The following SNX31 variants were observed in gnomAD, a reference collection of about 807,000 sequenced individuals.
The protein encoded by SNX31 is sorting nexin 31.
SNX31 carries 58 observed loss-of-function variants against 65.4 expected under a neutral mutation model. The observed-to-expected ratio is 0.89, with a 90% confidence interval of 0.72 to 1.10. The LOEUF is 1.10. Ranked by LOEUF, SNX31 falls within the 50% of genes least tolerant of loss-of-function variation. The probability of loss-of-function intolerance (pLI) is 0.00; values close to 1 mark genes in which losing one functional copy is unlikely to be tolerated. For missense variants in SNX31, 523 were observed against 529.7 expected (o/e 0.99, Z 0.12); for synonymous variants, 181 against 190.1 (o/e 0.95, Z 0.39).
rs556130269 is a variant in SNX31 at position 100,613,972 on chromosome 8, C to T, written c.433-887G>A. 7.2e-5 allele frequency among the ~76,000 whole-genome samples: 11 copies of T among 152,268 alleles called. No individual in the cohort carries two copies. The highest frequency in any genetic ancestry group is 3.9e-4 in the East Asian group (2 of 5,188). ...CTGCCCTCCAGAGCTGCTTTACCCACGACTCCCAGTTCTCTAGGTGGCAGT... is the reference window on the plus strand; with the variant it reads ...CTGCCCTCCAGAGCTGCTTTACCCATGACTCCCAGTTCTCTAGGTGGCAGT... On this transcript the variant is annotated intron_variant, in intron 5 of 13. Coordinates refer to ENST00000311812, the MANE Select transcript of SNX31 (RefSeq NM_152628.4). This position sits in a 1 kb window ranked among gnomAD's most constrained non-coding sequence, Gnocchi z 5.2.
At chr8:100,577,495 A>G (rs1053407934) in intron 12 of SNX31, among the ~76,000 whole-genome samples, 2 of 152,344 alleles carry the variant, frequency 1.3e-5, no homozygotes, top group Middle Eastern at 3.4e-3. Context: ...AGTTCAAGGC[A>G]CTTGAATATA....
rs141519967 is a variant in SNX31 at position 100,661,484 on chromosome 8, C to T, written c.-58+1658G>A. ...TGAGTGTTGGCTCTGATTCAGGTAG[C>T]GAACACCTGAGGCCCTGTGTTAAAA... On this transcript the variant is annotated intron_variant, in intron 1 of 5. Transcript: ENST00000520352. Among the ~76,000 whole-genome samples, 13 of 152,140 alleles carry T rather than the reference C, an allele frequency of 8.5e-5. No homozygotes were observed. The East Asian group carries it at 2.5e-3, about 29-fold the overall frequency.
At chr8:100,628,912 C>T (rs1320015766) in intron 4 of SNX31, among the ~76,000 whole-genome samples, 1 of 151,662 alleles carries the variant, frequency 6.6e-6, no homozygotes, top group Non-Finnish European at 1.5e-5. Flanking sequence ...AGTAGTCCCA[C>T]AAAATGATAG....
chr8:100,589,476 AG>A (rs1183063971), intron 10 of SNX31, among the ~76,000 whole-genome samples: 1 of 152,196 alleles, frequency 6.6e-6, no homozygotes, highest in Non-Finnish European at 1.5e-5. Context: ...GGAAGTAAAT[AG>A]GAGGGGCACC....
At position 100,584,205 on chromosome 8, in the gene SNX31, T is replaced by A; in HGVS notation, c.1093-17A>T. On this transcript the variant is annotated splice_polypyrimidine_tract_variant and intron_variant, in intron 11 of 13. Transcript: ENST00000311812. Reference sequence around the variant, plus strand: ...CAAAAAAGCCTAAGAAATGCAGGAATAAAGAACTCTTGTAACCGAAGAAAT... The same window carrying A: ...CAAAAAAGCCTAAGAAATGCAGGAAAAAAGAACTCTTGTAACCGAAGAAAT... 6.3e-7 allele frequency: 1 copy of A among 1,584,494 alleles called. No individual in the cohort carries two copies. The highest frequency in any genetic ancestry group is 8.6e-7 in the Non-Finnish European group (1 of 1,167,584).
chr8:100,619,261 C>A (rs1206925799), intron 4 of SNX31: 2 of 152,204 alleles, frequency 1.3e-5, no homozygotes, highest in African/African-American at 4.8e-5. Flanking sequence ...TTGTATTATG[C>A]CACACTAAAT....
chr8:100,579,229 T>G (rs1046312585), intron 12 of SNX31, among the ~76,000 whole-genome samples: 1 of 152,134 alleles, frequency 6.6e-6, no homozygotes, highest in African/African-American at 2.4e-5. Context: ...GCTCCCTATG[T>G]CAAAGTAAAT....
Position 100,658,677 on chromosome 8 carries a change from C to T in SNX31, c.-58+4465G>A, listed in dbSNP as rs565335358. Among the ~76,000 whole-genome samples, 3 of 152,306 alleles carry T rather than the reference C, an allele frequency of 2.0e-5. No individual in the cohort carries two copies. The East Asian group carries it at 5.8e-4, about 29-fold the overall frequency. Reference sequence around the variant, plus strand: ...TTGCACAGCTGGTAAGTCCCACAGCCAGGATTTGAAACTCGAGTGCCCAGG... The same window carrying T: ...TTGCACAGCTGGTAAGTCCCACAGCTAGGATTTGAAACTCGAGTGCCCAGG... On this transcript the variant is annotated intron_variant, in intron 1 of 5. Coordinates refer to the SNX31 transcript ENST00000520352.
rs541337111 is a variant in SNX31 at position 100,609,184 on chromosome 8, C to T, written c.612-621G>A. On this transcript the variant is annotated intron_variant, in intron 7 of 13. Coordinates refer to ENST00000311812, the MANE Select transcript of SNX31 (RefSeq NM_152628.4). The surrounding 1 kb of genome is among the most constrained non-coding windows in gnomAD (Gnocchi z 4.9). ...CATCTCTCACCAACCCCACCACCAA[C>T]GCTACATTCCAACCATGTTTTCTCT... 3.1e-4 allele frequency among the ~76,000 whole-genome samples: 47 copies of T among 152,314 alleles called. No individual in the cohort carries two copies. Among genetic ancestry groups the T allele is most frequent in the South Asian group, 4.1e-4 (2 of 4,828 alleles).
At chr8:100,608,622 C>A (rs1415319185) in intron 7 of SNX31, 59 bp from the exon 8 acceptor site, 16 of 1,563,156 alleles carry the variant, frequency 1.0e-5, no homozygotes, top group Non-Finnish European at 1.2e-5. Flanking sequence ...GCACACCTGG[C>A]AAGTGCTTTG....
At chr8:100,602,495 A>G (rs1815736523) in intron 8 of SNX31, among the ~76,000 whole-genome samples, 1 of 152,198 alleles carries the variant, frequency 6.6e-6, no homozygotes, top group African/African-American at 2.4e-5. Flanking sequence ...AACTCTATAT[A>G]TACTATGTTT....
chr8:100,612,895 C>T lies in SNX31; in HGVS notation c.523+100G>A, dbSNP rs930845056. 1.0e-6 allele frequency: 1 copy of T among 969,106 alleles called. No homozygotes were observed. The highest frequency in any genetic ancestry group is 1.3e-5 in the South Asian group (1 of 76,144). The allele number at this position is 969,106 out of a possible 1,614,324, so 60.0% of individuals were successfully genotyped here. On this transcript the variant is annotated intron_variant, in intron 6 of 13. Coordinates refer to ENST00000311812, the MANE Select transcript of SNX31 (RefSeq NM_152628.4). This position sits in a 1 kb window ranked among gnomAD's most constrained non-coding sequence, Gnocchi z 4.3. ...CTGAGAACAGTGGTAGGGATCACAG[C>T]CCAGTGGGTGGCCAGCCCCTCAGCT...
chr8:100,615,987 A>G (rs10096749), intron 5 of SNX31, among the ~76,000 whole-genome samples: 7,617 of 152,036 alleles, frequency 0.05, 624 homozygotes, highest in African/African-American at 0.17. Context: ...TGTTAGCCAG[A>G]ATGGTCTCGA....
intron 4 of SNX31, chr8:100,618,554 C>G (rs1283426418): frequency 1.8e-6 from 1 of 555,522 alleles, no homozygotes; most frequent in Admixed American, 3.4e-5. Context: ...CAAGACTACC[C>G]CCTTCACATG....
chr8:100,595,701 C>A (rs1417869955), intron 10 of SNX31, among the ~76,000 whole-genome samples: 2 of 152,116 alleles, frequency 1.3e-5, no homozygotes, highest in African/African-American at 2.4e-5. Context: ...GACAGAAGAA[C>A]CCCATGAAAG....
In SNX31 at chr8:100,573,709, G is replaced by GTATAACTGTGA; in HGVS notation, c.*155_*156insTCACAGTTATA. The GTATAACTGTGA allele has an allele frequency of 2.3e-6, 1 of 440,778 alleles. No homozygotes were observed. The highest frequency in any genetic ancestry group is 4.0e-6 in the Non-Finnish European group (1 of 249,282). The allele number at this position is 440,778 out of a possible 1,614,324, so 27.3% of individuals were successfully genotyped here. A position where few individuals can be genotyped will look rare whatever the true frequency, so the allele number is the denominator to read the frequency against. ...CTTGAGATTTCCATAGAGTGCTGTG[G>GTATAACTGTGA]TATAATACCTTGATGAATACAGTCC... On this transcript the variant is annotated 3_prime_UTR_variant, in exon 14 of 14. Coordinates refer to ENST00000311812, the MANE Select transcript of SNX31 (RefSeq NM_152628.4).
Position 100,588,979 on chromosome 8 carries a change from C to T in SNX31, c.979G>A (p.Gly327Arg). 6.2e-7 allele frequency: 1 copy of T among 1,607,858 alleles called. No homozygotes were observed. Among genetic ancestry groups the T allele is most frequent in the Middle Eastern group, 1.7e-4 (1 of 6,046 alleles). Residue 327 changes from glycine (G) to arginine (R), a missense_variant and splice_region_variant, in exon 11 of 14, where the codon GGA becomes AGA. By Grantham distance (125) the Gly-to-Arg change is moderately radical. Transcript: ENST00000311812. The surrounding 1 kb of genome is among the most constrained non-coding windows in gnomAD (Gnocchi z 4.8). ...RVKCWQVTFLGTLLDTDGPQR... is the reference protein window; with the variant it reads ...RVKCWQVTFLRTLLDTDGPQR... ...GGCCCATCCGTATCCAGCAGAGTTC[C>T]CTACAAAGGAAAATATTTTATATTC... is the stretch of plus-strand genomic sequence containing the variant.
rs780566625 is a variant in SNX31, at chr8:100,575,825, C to G, written c.1227+1194G>C. Among the ~76,000 whole-genome samples the G allele has an allele frequency of 3.7e-4, 56 of 152,036 alleles. No homozygotes were observed. Among genetic ancestry groups the G allele is most frequent in the Admixed American group, 1.3e-3 (20 of 15,256 alleles). ...CTTTTAAAAATTCCATTGCCCAGGC[C>G]CCTCAGACCAATTAAATCCAAATTT... On this transcript the variant is annotated intron_variant, in intron 13 of 13. Coordinates refer to ENST00000311812, the MANE Select transcript of SNX31 (RefSeq NM_152628.4). This position sits in a 1 kb window ranked among gnomAD's most constrained non-coding sequence, Gnocchi z 5.1.
intron 1 of SNX31, among the ~76,000 whole-genome samples, chr8:100,658,956 G>A (rs1167941741): frequency 6.6e-6 from 1 of 152,168 alleles, no homozygotes; most frequent in Non-Finnish European, 1.5e-5. Flanking sequence ...CATTGTACAG[G>A]TGGAAAATAT....
Sources: allele counts gnomAD v4.1 joint callset (sites outside exome capture counted in the v4.1 genomes callset), GRCh38; gene constraint gnomAD v4.1.1; non-coding constraint Gnocchi (gnomAD v3.1); transcripts MANE v1.5; gene names NCBI Gene and HGNC (gene_info 2026-07-23, HGNC 2026-07-21).